The following ADISSP variants were observed in gnomAD, a reference collection of about 807,000 sequenced individuals.
ADISSP encodes the protein adipose secreted signaling protein, also known as adipose-secreted signaling protein.
chr20:3,766,672 T>C, the ADISSP span, among the ~76,000 whole-genome samples: 1 of 152,030 alleles, frequency 6.6e-6, no homozygotes, highest in Non-Finnish European at 1.5e-5. Context: ...TCAGCCAAGG[T>C]GAGGGTGGGA....
chr20:3,753,710 C>G, the ADISSP span: 2 of 371,780 alleles, frequency 5.4e-6, no homozygotes, highest in Non-Finnish European at 1.0e-5. Flanking sequence ...ACAGAGCCAG[C>G]TCCGTCCTCT....
chr20:3,756,229 C>T, the ADISSP span, among the ~76,000 whole-genome samples: 15 of 152,270 alleles, frequency 9.9e-5, no homozygotes, highest in African/African-American at 3.1e-4. Context: ...AACTGGGGCT[C>T]CTGGCTGCCC....
At chr20:3,762,729 A>C in the ADISSP span, among the ~76,000 whole-genome samples, 1 of 152,204 alleles carries the variant, frequency 6.6e-6, no homozygotes, top group African/African-American at 2.4e-5. Context: ...TTTTGCACTA[A>C]AACAAAGTTA....
the ADISSP span, chr20:3,754,262 G>A: frequency 2.0e-6 from 3 of 1,466,948 alleles, no homozygotes; most frequent in Non-Finnish European, 9.5e-7. Context: ...CTGGAGGTAG[G>A]GACCTGCCAA....
At chr20:3,753,595 G>A in the ADISSP span, 44 of 190,476 alleles carry the variant, frequency 2.3e-4, no homozygotes, top group Admixed American at 1.1e-4. Context: ...AGGGGTGGGG[G>A]CTGGGGACTG....
the ADISSP span, among the ~76,000 whole-genome samples, chr20:3,764,824 G>A: frequency 6.6e-6 from 1 of 152,228 alleles, no homozygotes; most frequent in Non-Finnish European, 1.5e-5. Context: ...CTGCACTGGG[G>A]GCTCTGAGGA....
chr20:3,754,627 C>T, the ADISSP span: 15 of 1,168,604 alleles, frequency 1.3e-5, no homozygotes, highest in Non-Finnish European at 1.6e-5. Flanking sequence ...GCATGCTAAG[C>T]CCCCCCAAGA....
chr20:3,755,232 G>A, the ADISSP span, among the ~76,000 whole-genome samples: 2 of 152,150 alleles, frequency 1.3e-5, no homozygotes, highest in Admixed American at 6.5e-5. Context: ...ACTGCCCCAC[G>A]GAGGTAACCA....
At chr20:3,755,310 T>C in the ADISSP span, 1 of 651,984 alleles carries the variant, frequency 1.5e-6, no homozygotes, top group Middle Eastern at 2.6e-4. Context: ...GAGCAAGGCC[T>C]GGAGTGTGGG....
At chr20:3,760,289 C>A in the ADISSP span, 2 of 584,362 alleles carry the variant, frequency 3.4e-6, no homozygotes, top group East Asian at 2.8e-5. Context: ...AAACCCCTAC[C>A]GCTCTCAGCA....
the ADISSP span, among the ~76,000 whole-genome samples, chr20:3,763,595 A>T: frequency 6.6e-6 from 1 of 152,136 alleles, no homozygotes; most frequent in African/African-American, 2.4e-5. Flanking sequence ...GGATCTGGAA[A>T]ATGTAAATGG....
At chr20:3,766,830 C>T in the ADISSP span, among the ~76,000 whole-genome samples, 1 of 152,156 alleles carries the variant, frequency 6.6e-6, no homozygotes, top group Admixed American at 6.5e-5. Context: ...TTCAACTCCC[C>T]GGAGCAGAAA....
the ADISSP span, chr20:3,754,597 CCCA>C: frequency 4.7e-6 from 7 of 1,475,894 alleles, no homozygotes; most frequent in South Asian, 8.0e-5. Context: ...CGGGCCCCTA[CCCA>C]CCACCATGGG....
At chr20:3,754,224 G>A in the ADISSP span, 2 of 1,529,060 alleles carry the variant, frequency 1.3e-6, no homozygotes, top group Non-Finnish European at 1.8e-6. Flanking sequence ...CCCACTAAGG[G>A]GACCCCTCCC....
At chr20:3,758,471 G>A in the ADISSP span, 1 of 1,503,190 alleles carries the variant, frequency 6.7e-7, no homozygotes, top group African/African-American at 1.4e-5. This position sits in a 1 kb window ranked among gnomAD's most constrained non-coding sequence, Gnocchi z 5.5. Context: ...ACGGGGATAG[G>A]CACCCAGAAG....
chr20:3,763,449 C>T, the ADISSP span, among the ~76,000 whole-genome samples: 4 of 149,500 alleles, frequency 2.7e-5, no homozygotes, highest in African/African-American at 7.4e-5. Context: ...TCCAGCTACT[C>T]GGGAGGCTGA....
At chr20:3,755,474 G>C in the ADISSP span, 1 of 1,611,014 alleles carries the variant, frequency 6.2e-7, no homozygotes, top group South Asian at 1.1e-5. Flanking sequence ...CGCACCTTCA[G>C]GGACGGGCAC....
At chr20:3,762,149 G>A in the ADISSP span, among the ~76,000 whole-genome samples, 2 of 152,092 alleles carry the variant, frequency 1.3e-5, no homozygotes, top group African/African-American at 2.4e-5. Flanking sequence ...GCGGGCAGCT[G>A]TAGTCCCAGC....
the ADISSP span, chr20:3,753,886 A>G: frequency 8.9e-3 from 5,487 of 613,390 alleles, 48 homozygotes; most frequent in Non-Finnish European, 0.013. Flanking sequence ...AGGACGAGGG[A>G]GGGGCAGGGT....
Sources: gnomAD v4.1 joint callset for allele counts (sites outside exome capture counted in the v4.1 genomes callset) on GRCh38, gnomAD v4.1.1 for gene constraint, Gnocchi (gnomAD v3.1) non-coding constraint, MANE v1.5 for transcripts, NCBI Gene and HGNC (gene_info 2026-07-23, HGNC 2026-07-21) for gene names.